Variants in FBXL7 observed in about 807,000 individuals in gnomAD.
FBXL7 encodes the protein F-box/LRR-repeat protein 7.
Under a neutral mutation model 38.3 loss-of-function variants are expected in FBXL7, and 12 were observed. That is an observed-to-expected ratio of 0.31 (90% CI 0.20 to 0.51). The LOEUF (loss-of-function observed/expected upper bound fraction) is 0.51, where lower values mean the gene tolerates loss of function less well. Ranked by LOEUF, FBXL7 falls within the 20% of genes least tolerant of loss-of-function variation. The pLI is 0.98. For synonymous variants in FBXL7, 297 were observed against 300.9 expected, an observed-to-expected ratio of 0.99 and a Z score of 0.13; for missense variants, 567 against 676.4, an observed-to-expected ratio of 0.84 and a Z score of 1.79.
chr5:15,576,947 T>G (rs1458462075), intron 1 of FBXL7, among the ~76,000 whole-genome samples: 1 of 152,116 alleles, frequency 6.6e-6, no homozygotes, highest in East Asian at 1.9e-4. Context: ...CCTAACACAG[T>G]GGTGTGAATA....
chr5:15,722,353 T>G lies in FBXL7; in HGVS notation c.127+106281T>G, dbSNP rs370318621. 3.7e-4 allele frequency among the ~76,000 whole-genome samples: 56 copies of G among 152,314 alleles called. 1 individual carries two copies. The highest frequency in any genetic ancestry group is 1.3e-3 in the African/African-American group (53 of 41,582). Reference sequence around the variant, plus strand: ...TCCGGCCACCTATATTGTCCTATACTGACAGGAAATTTGCACGTATATACC... The same window carrying G: ...TCCGGCCACCTATATTGTCCTATACGGACAGGAAATTTGCACGTATATACC... On this transcript the variant is annotated intron_variant, in intron 2 of 3. Transcript: ENST00000504595.
At chr5:15,933,148 C>G (rs1742085096) in intron 3 of FBXL7, among the ~76,000 whole-genome samples, 1 of 152,184 alleles carries the variant, frequency 6.6e-6, no homozygotes, top group Non-Finnish European at 1.5e-5. Flanking sequence ...AATTTACTTT[C>G]TTTTCATCCC....
chr5:15,739,397 T>C (rs1168423871), intron 2 of FBXL7, among the ~76,000 whole-genome samples: 1 of 152,232 alleles, frequency 6.6e-6, no homozygotes, highest in Non-Finnish European at 1.5e-5. Context: ...GGAGCTGAAA[T>C]TCACATACCG....
At chr5:15,501,866 A>T (rs968574990) in intron 1 of FBXL7, 1 of 224,164 alleles carries the variant, frequency 4.5e-6, no homozygotes, top group Non-Finnish European at 7.2e-6. Flanking sequence ...GTGCATGTGT[A>T]TGTGTGTGTG....
At chr5:15,651,243 C>A (rs565327182) in intron 2 of FBXL7, among the ~76,000 whole-genome samples, 1 of 151,918 alleles carries the variant, frequency 6.6e-6, no homozygotes, top group African/African-American at 2.4e-5. Flanking sequence ...ACTACAGGCA[C>A]CCGCCATCAT....
chr5:15,519,939 A>G (rs1580349076), intron 1 of FBXL7, among the ~76,000 whole-genome samples: 1 of 152,200 alleles, frequency 6.6e-6, no homozygotes, highest in Admixed American at 6.5e-5. Flanking sequence ...AGATGAGTAA[A>G]AGAGTGGTAC....
chr5:15,783,114 A>C (rs1737041407), intron 2 of FBXL7, among the ~76,000 whole-genome samples: 1 of 152,140 alleles, frequency 6.6e-6, no homozygotes, highest in African/African-American at 2.4e-5. Flanking sequence ...AACGAAGTTG[A>C]AGATTTTTGC....
At chr5:15,846,289 T>G (rs541335065) in intron 2 of FBXL7, among the ~76,000 whole-genome samples, 1 of 152,374 alleles carries the variant, frequency 6.6e-6, no homozygotes, top group Admixed American at 6.5e-5. Context: ...TGTCAGTTTT[T>G]TAACAAATTA....
At chr5:15,712,706 C>A (rs1561096032) in intron 2 of FBXL7, among the ~76,000 whole-genome samples, 1 of 151,496 alleles carries the variant, frequency 6.6e-6, no homozygotes, top group Non-Finnish European at 1.5e-5. Context: ...GAAAAGGAAG[C>A]AAAGAAAGGA....
Position 15,722,938 on chromosome 5 carries a change from AAAAG to A in FBXL7, c.127+106868_127+106871del, listed in dbSNP as rs1345555585. ...CTCCGTCTCAAAAAAAACAAAAAAA[AAAAG>A]AGAGAAGAGAAAACAACCTGGAAAA... On this transcript the variant is annotated intron_variant, in intron 2 of 3. Coordinates refer to ENST00000504595, the MANE Select transcript of FBXL7 (RefSeq NM_012304.5). 2.6e-5 allele frequency among the ~76,000 whole-genome samples: 4 copies of A among 150,956 alleles called. No homozygotes were observed. The East Asian group carries it at 7.8e-4, about 29-fold the overall frequency.
intron 1 of FBXL7, among the ~76,000 whole-genome samples, chr5:15,520,524 C>T (rs1177698848): frequency 6.6e-6 from 1 of 152,276 alleles, no homozygotes; most frequent in Admixed American, 6.5e-5. Flanking sequence ...TCAGTAGTCA[C>T]AAGATCAAAT....
chr5:15,568,367 T>C (rs542815972), intron 1 of FBXL7, among the ~76,000 whole-genome samples: 1 of 152,358 alleles, frequency 6.6e-6, no homozygotes, highest in East Asian at 1.9e-4. Context: ...TTTTTTCATG[T>C]GTCTTTTGGC....
chr5:15,723,853 G>A (rs1262785544), intron 2 of FBXL7, among the ~76,000 whole-genome samples: 2 of 152,156 alleles, frequency 1.3e-5, no homozygotes, highest in African/African-American at 4.8e-5. Context: ...AATAGTCTAT[G>A]TTGGGTAGTT....
chr5:15,675,707 A>G (rs1009201575), intron 2 of FBXL7, among the ~76,000 whole-genome samples: 1 of 152,196 alleles, frequency 6.6e-6, no homozygotes, highest in Non-Finnish European at 1.5e-5. Flanking sequence ...CTAGGTTCTG[A>G]GCAGTCTATC....
chr5:15,671,229 C>T (rs4702097), intron 2 of FBXL7, among the ~76,000 whole-genome samples: 3,374 of 152,226 alleles, frequency 0.022, 73 homozygotes, highest in East Asian at 0.051. Context: ...TTTACAAGGT[C>T]GTGTAGAATG....
intron 2 of FBXL7, among the ~76,000 whole-genome samples, chr5:15,864,047 T>C (rs1450856282): frequency 6.6e-6 from 1 of 152,138 alleles, no homozygotes; most frequent in African/African-American, 2.4e-5. Flanking sequence ...CTGTCAGGTC[T>C]CTCAGAGAAG....
chr5:15,926,662 G>A (rs997084906), intron 2 of FBXL7, among the ~76,000 whole-genome samples: 8 of 152,072 alleles, frequency 5.3e-5, no homozygotes, highest in African/African-American at 1.4e-4. Context: ...CCTTATCAGC[G>A]ATCTTTCTAG....
chr5:15,874,238 C>G (rs1214514590), intron 2 of FBXL7, among the ~76,000 whole-genome samples: 1 of 152,156 alleles, frequency 6.6e-6, no homozygotes, highest in Non-Finnish European at 1.5e-5. Flanking sequence ...GCTAAAAACA[C>G]ACAATAAACT....
chr5:15,709,370 C>T (rs1382407770), intron 2 of FBXL7, among the ~76,000 whole-genome samples: 2 of 151,882 alleles, frequency 1.3e-5, no homozygotes, highest in Non-Finnish European at 2.9e-5. Context: ...CCTGTCTCTA[C>T]TAAAAATACA....
Sources: gnomAD v4.1 joint callset for allele counts (sites outside exome capture counted in the v4.1 genomes callset) on GRCh38, gnomAD v4.1.1 for gene constraint, MANE v1.5 for transcripts, NCBI Gene and HGNC (gene_info 2026-07-23, HGNC 2026-07-21) for gene names.